Variants in STK38 observed in about 807,000 individuals in gnomAD.
STK38 encodes the protein serine/threonine kinase 38, also known as serine/threonine-protein kinase 38.
A neutral mutation model predicts 59.0 loss-of-function variants in STK38; 26 were observed. The ratio of observed to expected loss-of-function variants is 0.44; its 90% confidence interval spans 0.32 to 0.61. STK38 has a LOEUF of 0.61. Ranked by LOEUF, STK38 falls within the 20% of genes least tolerant of loss-of-function variation. The pLI is 0.04. For synonymous variants in STK38, 175 were observed against 176.6 expected, an observed-to-expected ratio of 0.99 and a Z score of 0.07; for missense variants, 433 against 566.0, an observed-to-expected ratio of 0.76 and a Z score of 2.38.
At chr6:36,505,535 AT>A (rs1776943378) in intron 9 of STK38, among the ~76,000 whole-genome samples, 2 of 152,172 alleles carry the variant, frequency 1.3e-5, no homozygotes, top group South Asian at 4.1e-4. Flanking sequence ...ACATCCACCT[AT>A]TAGTGACCTA....
chr6:36,540,887 C>T, intron 1 of STK38, among the ~76,000 whole-genome samples: 1 of 150,040 alleles, frequency 6.7e-6, no homozygotes, highest in Non-Finnish European at 1.5e-5. Context: ...ACAAATATAT[C>T]TTTATTTATT....
rs1360886208 is a variant in STK38 at position 36,513,633 on chromosome 6, C to G, written c.669+1705G>C. Among the ~76,000 whole-genome samples the G allele has an allele frequency of 2.0e-5, 3 of 151,722 alleles. No individual in the cohort carries two copies. In the East Asian group the frequency reaches 5.9e-4, roughly 30 times the overall value. On this transcript the variant is annotated intron_variant, in intron 7 of 13. Transcript: ENST00000229812. ...GCCCGGCCCCGGCCTTTTTTTTAAC[C>G]AGGCTCTTCCCATATCCCCGTCTCT...
intron 10 of STK38, 68 bp from the exon 11 acceptor site, chr6:36,498,554 C>A: frequency 6.6e-7 from 1 of 1,510,300 alleles, no homozygotes; most frequent in Non-Finnish European, 8.9e-7. Context: ...GATTACTCTC[C>A]TTAATAAAAT....
At chr6:36,529,002 G>A (rs1777604118) in intron 2 of STK38, among the ~76,000 whole-genome samples, 1 of 152,040 alleles carries the variant, frequency 6.6e-6, no homozygotes, top group Non-Finnish European at 1.5e-5. Flanking sequence ...TTTCATTAGA[G>A]AAAGTATCCA....
intron 5 of STK38, among the ~76,000 whole-genome samples, chr6:36,518,537 A>C (rs1244807496): frequency 6.6e-6 from 1 of 152,226 alleles, no homozygotes; most frequent in Non-Finnish European, 1.5e-5. Context: ...ACATCACTGC[A>C]TATTATCAAA....
chr6:36,533,693 C>A (rs1777723425), intron 2 of STK38, among the ~76,000 whole-genome samples: 2 of 152,140 alleles, frequency 1.3e-5, no homozygotes, highest in Admixed American at 1.3e-4. Flanking sequence ...TAGGGCAGAA[C>A]CAGTAGGATA....
At chr6:36,514,830 C>G (rs542453564) in intron 7 of STK38, among the ~76,000 whole-genome samples, 1 of 119,536 alleles carries the variant, frequency 8.4e-6, no homozygotes, top group Non-Finnish European at 1.6e-5. Context: ...CCTGGGCAAA[C>G]AGGGTGAGAC....
intron 9 of STK38, 29 bp from the exon 10 acceptor site, chr6:36,500,019 C>T (rs1332271838): frequency 6.4e-7 from 1 of 1,562,346 alleles, no homozygotes; most frequent in Admixed American, 1.7e-5. Context: ...ATCAGCGAGG[C>T]CCAGCCAGGC....
chr6:36,519,895 G>A (rs1337214781), intron 5 of STK38, among the ~76,000 whole-genome samples: 1 of 152,096 alleles, frequency 6.6e-6, no homozygotes, highest in African/African-American at 2.4e-5. Context: ...TTTCCAGGTA[G>A]CAAAAATTTC....
intron 1 of STK38, among the ~76,000 whole-genome samples, chr6:36,544,247 AT>A (rs1778007759): frequency 1.3e-5 from 2 of 152,274 alleles, no homozygotes; most frequent in South Asian, 4.1e-4. Flanking sequence ...TTACTATAAA[AT>A]ATCACATTAT....
intron 12 of STK38, 48 bp from the exon 13 acceptor site, chr6:36,496,853 G>T: frequency 1.5e-6 from 2 of 1,361,222 alleles, no homozygotes; most frequent in Middle Eastern, 1.9e-4. Context: ...TAATCAAATG[G>T]ATCATACCAA....
At chr6:36,544,529 A>T (rs1280801382) in intron 1 of STK38, among the ~76,000 whole-genome samples, 1 of 152,190 alleles carries the variant, frequency 6.6e-6, no homozygotes, top group Non-Finnish European at 1.5e-5. Flanking sequence ...TTGTCTGAAA[A>T]TTCCTGAAGA....
intron 7 of STK38, among the ~76,000 whole-genome samples, chr6:36,514,708 G>GT (rs1373231574): frequency 6.6e-6 from 1 of 151,662 alleles, no homozygotes; most frequent in Non-Finnish European, 1.5e-5. Flanking sequence ...GGGCAGGGGC[G>GT]TGGTGGTGCA....
chr6:36,543,972 T>G (rs1389337461), intron 1 of STK38, among the ~76,000 whole-genome samples: 1 of 152,224 alleles, frequency 6.6e-6, no homozygotes, highest in East Asian at 1.9e-4. Context: ...TAAGAAAAGT[T>G]TTCAGGTTTT....
intron 1 of STK38, 61 bp from the exon 2 acceptor site, chr6:36,540,268 C>T: frequency 6.5e-7 from 1 of 1,542,686 alleles, no homozygotes; most frequent in Non-Finnish European, 8.8e-7. Context: ...AGTGTGCACT[C>T]TCCTACCCTA....
intron 5 of STK38, among the ~76,000 whole-genome samples, chr6:36,518,554 CCA>C (rs1363808681): frequency 2.0e-5 from 3 of 152,124 alleles, no homozygotes; most frequent in African/African-American, 4.8e-5. Flanking sequence ...CAAATCCCCC[CCA>C]CACACACTTT....
intron 1 of STK38, among the ~76,000 whole-genome samples, chr6:36,543,818 G>A (rs1778000162): frequency 6.6e-6 from 1 of 152,074 alleles, no homozygotes; most frequent in Non-Finnish European, 1.5e-5. Flanking sequence ...GTTTTTAGTA[G>A]AGACGGGGTT....
intron 2 of STK38, 70 bp downstream of exon 2, chr6:36,540,002 A>T (rs1561994143): frequency 8.2e-6 from 13 of 1,592,610 alleles, no homozygotes; most frequent in Middle Eastern, 1.7e-4. Flanking sequence ...TTTCAGCATT[A>T]TAAGTGTTTT....
chr6:36,541,856 TCTC>T (rs1458094413), intron 1 of STK38, among the ~76,000 whole-genome samples: 4 of 148,708 alleles, frequency 2.7e-5, no homozygotes, highest in Non-Finnish European at 5.9e-5. Context: ...TGAGATGGAG[TCTC>T]ACTCTGTCGC....
Sources: allele counts gnomAD v4.1 joint callset (sites outside exome capture counted in the v4.1 genomes callset), GRCh38; gene constraint gnomAD v4.1.1; transcripts MANE v1.5; gene names NCBI Gene and HGNC (gene_info 2026-07-23, HGNC 2026-07-21).